The following MALRD1 variants were observed in gnomAD, a reference collection of about 807,000 sequenced individuals.
MALRD1 encodes MAM and LDL-receptor class A domain-containing protein 1.
Under a neutral mutation model 242.1 loss-of-function variants are expected in MALRD1, and 247 were observed. That is an observed-to-expected ratio of 1.02 (90% confidence interval 0.92 to 1.13). MALRD1 has a LOEUF of 1.13. MALRD1 is among the 50% of genes most tolerant of loss of function. The probability of loss-of-function intolerance (pLI) is 0.00; values close to 1 mark genes in which losing one functional copy is unlikely to be tolerated. For missense variants in MALRD1, 2,989 were observed against 2,533.1 expected (o/e 1.18, Z -3.86); for synonymous variants, 995 against 866.6 (o/e 1.15, Z -2.60).
chr10:19,443,155 G>A (rs565843551), intron 28 of MALRD1, among the ~76,000 whole-genome samples: 20 of 151,774 alleles, frequency 1.3e-4, no homozygotes, highest in East Asian at 9.7e-4. Context: ...CTGTGGGATC[G>A]GTGGTGATAT....
chr10:19,409,574 A>T (rs1275071048), intron 28 of MALRD1, among the ~76,000 whole-genome samples: 1 of 152,126 alleles, frequency 6.6e-6, no homozygotes, highest in Non-Finnish European at 1.5e-5. Context: ...GAATATTATC[A>T]ATCCTTGTGG....
chr10:19,590,920 C>T (rs1837745263), intron 33 of MALRD1, among the ~76,000 whole-genome samples: 1 of 152,126 alleles, frequency 6.6e-6, no homozygotes. Flanking sequence ...CCATAGTATA[C>T]ATTAAGTTTC....
chr10:19,642,518 A>T (rs1840437379), intron 36 of MALRD1, among the ~76,000 whole-genome samples: 1 of 152,148 alleles, frequency 6.6e-6, no homozygotes, highest in Admixed American at 6.5e-5. Flanking sequence ...ATAATACAAA[A>T]CAAGCTAGAA....
At chr10:19,102,860 T>C (rs80128097) in intron 4 of MALRD1, among the ~76,000 whole-genome samples, 1 of 119,146 alleles carries the variant, frequency 8.4e-6, no homozygotes, top group Non-Finnish European at 1.8e-5. Context: ...ATTTCTTCTT[T>C]TTTTTTGAGA....
intron 8 of MALRD1, among the ~76,000 whole-genome samples, chr10:19,130,381 C>A (rs541277816): frequency 1.3e-5 from 2 of 152,088 alleles, no homozygotes; most frequent in African/African-American, 4.8e-5. Context: ...ATTTCCAACT[C>A]CTTCTTCAAT....
At chr10:19,618,148 A>G (rs1839247766) in intron 36 of MALRD1, among the ~76,000 whole-genome samples, 1 of 152,030 alleles carries the variant, frequency 6.6e-6, no homozygotes, top group Non-Finnish European at 1.5e-5. Context: ...TGTTCCTGCA[A>G]AGGACATGAA....
rs537042854 is a variant in MALRD1 at position 19,422,752 on chromosome 10, T to TC, written c.4846-27550dup. On this transcript the variant is annotated intron_variant, in intron 28 of 39. Coordinates refer to ENST00000454679, the MANE Select transcript of MALRD1 (RefSeq NM_001142308.3). ...AGTTTATTTTGTCTGAGTTTTCATT[T>TC]CCCCCTCAATGGGGAAAGTTTTTGA... is the stretch of plus-strand genomic sequence containing the variant. Among the ~76,000 whole-genome samples, 28 of 152,306 alleles carry TC rather than the reference T, an allele frequency of 1.8e-4. No homozygotes were observed. The South Asian group carries it at 5.8e-3, about 32-fold the overall frequency.
chr10:19,136,653 C>T lies in MALRD1; in HGVS notation c.1283C>T (p.Thr428Ile), dbSNP rs1286135252. Residue 428 changes from threonine (T) to isoleucine (I), a missense_variant, in exon 10 of 40, where the codon ACC (threonine) becomes ATC (isoleucine). Coordinates refer to ENST00000454679, the MANE Select transcript of MALRD1 (RefSeq NM_001142308.3). Reference protein sequence around the residue: ...DHLWVYACGQTQSRKLCSADE... With the variant: ...DHLWVYACGQIQSRKLCSADE... ...CTCTGGGTCTATGCCTGTGGACAGA[C>T]CCAATCCAGAAAGCTTTGCTCTGCA... The T allele has an allele frequency of 4.1e-6, 5 of 1,231,660 alleles. No homozygotes were observed. The highest frequency in any genetic ancestry group is 5.1e-6 in the Non-Finnish European group (5 of 987,954). The allele number at this position is 1,231,660 out of a possible 1,614,324, so 76.3% of individuals were successfully genotyped here. A position where few individuals can be genotyped will look rare whatever the true frequency, so the allele number is the denominator to read the frequency against.
chr10:19,171,972 G>GAT lies in MALRD1; in HGVS notation c.1831-3229_1831-3228dup, dbSNP rs567475740. 3.5e-3 allele frequency among the ~76,000 whole-genome samples: 107 copies of GAT among 30,728 alleles called. 2 individuals carry two copies. Among genetic ancestry groups the GAT allele is most frequent in the South Asian group, 4.5e-3 (4 of 884 alleles). 20.2% of individuals were successfully genotyped at this position (30,728 alleles called of 152,430 possible). On this transcript the variant is annotated intron_variant, in intron 13 of 39. Coordinates refer to ENST00000454679, the MANE Select transcript of MALRD1 (RefSeq NM_001142308.3). Reference sequence around the variant, plus strand: ...ATATATGTATATATCACATATATGTGATATATATCATATAATATATGTATA... The same window carrying GAT: ...ATATATGTATATATCACATATATGTGATATATATATCATATAATATATGTATA...
intron 18 of MALRD1, among the ~76,000 whole-genome samples, chr10:19,249,556 C>T (rs180942908): frequency 6.6e-6 from 1 of 151,896 alleles, no homozygotes; most frequent in Non-Finnish European, 1.5e-5. Flanking sequence ...AGTTACTGTG[C>T]TGGATGCTGT....
At chr10:19,063,085 A>G (rs964642402) in intron 1 of MALRD1, among the ~76,000 whole-genome samples, 1 of 151,974 alleles carries the variant, frequency 6.6e-6, no homozygotes, top group South Asian at 2.1e-4. Flanking sequence ...GGTCAAGACC[A>G]CAATGAGCCA....
chr10:19,595,299 G>T lies in MALRD1; in HGVS notation c.5786G>T (p.Cys1929Phe). The T allele has an allele frequency of 6.4e-7, 1 of 1,550,818 alleles. No individual in the cohort carries two copies. The highest frequency in any genetic ancestry group is 8.7e-7 in the Non-Finnish European group (1 of 1,147,002). ...LSGKCDGHED[C>F]IDGSDEMDCP... The stretch of plus-strand genomic sequence containing the variant: ...GGGAAATGTGATGGACATGAAGACT[G>T]CATAGATGGATCTGATGAAATGGAT... Residue 1929 changes from cysteine to phenylalanine, a missense_variant, in exon 34 of 40, where the codon TGC becomes TTC. Cys to Phe is a radical substitution (Grantham distance 205, BLOSUM62 -2). Coordinates refer to ENST00000454679, the MANE Select transcript of MALRD1 (RefSeq NM_001142308.3).
At position 19,427,010 on chromosome 10, in the gene MALRD1, C is replaced by T. The variant is rs548035682; in HGVS notation, c.4846-23297C>T. ...TAATGACTGTCGCTATGAAGAATGT[C>T]GATGCTGACACCTAAGTCAGTGCAC... On this transcript the variant is annotated intron_variant, in intron 28 of 39. Transcript: ENST00000454679. Among the ~76,000 whole-genome samples the T allele has an allele frequency of 7.9e-4, 121 of 152,224 alleles. 1 individual carries two copies. Among genetic ancestry groups the T allele is most frequent in the Non-Finnish European group, 1.3e-3 (90 of 68,030 alleles).
intron 36 of MALRD1, among the ~76,000 whole-genome samples, chr10:19,672,391 G>A (rs1841962465): frequency 6.8e-6 from 1 of 147,032 alleles, no homozygotes; most frequent in Admixed American, 6.8e-5. Flanking sequence ...ATATTTGATT[G>A]ATGCAACAGA....
chr10:19,242,262 G>T (rs1010181748), intron 18 of MALRD1, among the ~76,000 whole-genome samples: 1 of 152,080 alleles, frequency 6.6e-6, no homozygotes, highest in African/African-American at 2.4e-5. Flanking sequence ...CTTGTTAGAC[G>T]TATTCACTAC....
At chr10:19,658,162 CAAA>C (rs34596840) in intron 36 of MALRD1, among the ~76,000 whole-genome samples, 4 of 150,034 alleles carry the variant, frequency 2.7e-5, no homozygotes, top group Admixed American at 2.7e-4. Flanking sequence ...ACAAAGCAAA[CAAA>C]AAAAAACCCA....
intron 29 of MALRD1, among the ~76,000 whole-genome samples, chr10:19,473,945 C>T (rs189193074): frequency 6.6e-6 from 1 of 152,238 alleles, no homozygotes; most frequent in Admixed American, 6.5e-5. Flanking sequence ...ACCAAAAGTA[C>T]ACGAGGGTTC....
intron 13 of MALRD1, among the ~76,000 whole-genome samples, chr10:19,171,885 TATATATGATATATATCACATA>T (rs1317217813): frequency 2.8e-5 from 4 of 143,672 alleles, no homozygotes; most frequent in Non-Finnish European, 4.6e-5. Context: ...TATATACGTA[TATATATGATATATATCACATA>T]ATATATGATA....
At chr10:19,479,042 G>A (rs1836867977) in intron 29 of MALRD1, among the ~76,000 whole-genome samples, 1 of 152,174 alleles carries the variant, frequency 6.6e-6, no homozygotes, top group Non-Finnish European at 1.5e-5. Context: ...CACTGCAATG[G>A]TGAAGCCAGC....
Sources: gnomAD v4.1 joint callset for allele counts (sites outside exome capture counted in the v4.1 genomes callset) on GRCh38, gnomAD v4.1.1 for gene constraint, MANE v1.5 for transcripts, NCBI Gene and HGNC (gene_info 2026-07-23, HGNC 2026-07-21) for gene names.